ESF1: variants seen among roughly 807,000 people sequenced by gnomAD.
ESF1 encodes the protein ESF1 homolog.
Under a neutral mutation model 92.0 loss-of-function variants are expected in ESF1, and 58 were observed. The observed-to-expected ratio is 0.63, with a 90% CI of 0.51 to 0.78. The LOEUF (loss-of-function observed/expected upper bound fraction) is 0.78. Among genes scored for constraint, ESF1 ranks in the 30% least tolerant of loss-of-function variants. ESF1 has a pLI of 0.00. For missense variants in ESF1, 922 were observed against 989.1 expected, an observed-to-expected ratio of 0.93 and a Z score of 0.91; for synonymous variants, 321 against 313.7, an observed-to-expected ratio of 1.02 and a Z score of -0.24.
intron 9 of ESF1, among the ~76,000 whole-genome samples, chr20:13,748,907 T>C (rs550342740): frequency 2.6e-5 from 4 of 152,080 alleles, no homozygotes; most frequent in Admixed American, 2.6e-4. Context: ...TATTTTAAAA[T>C]GTAATTCTTC....
intron 10 of ESF1, among the ~76,000 whole-genome samples, chr20:13,731,249 C>T (rs2049940491): frequency 1.3e-5 from 2 of 152,078 alleles, no homozygotes; most frequent in South Asian, 4.1e-4. Context: ...TAGCTTAACA[C>T]TTGTGGAGTT....
Position 13,766,927 on chromosome 20 carries a change from T to C in ESF1, c.1519-3A>G. 6.2e-7 allele frequency: 1 copy of C among 1,605,092 alleles called. No homozygotes were observed. The highest frequency in any genetic ancestry group is 2.2e-5 in the East Asian group (1 of 44,726). ...GTCTCATCCCAAGTGATTTCCACCTTTCACCAACAAATAAGAAAAAATAAC... is the reference window on the plus strand; with the variant it reads ...GTCTCATCCCAAGTGATTTCCACCTCTCACCAACAAATAAGAAAAAATAAC... On this transcript the variant is annotated splice_region_variant and splice_polypyrimidine_tract_variant and intron_variant, in intron 7 of 13. Transcript: ENST00000617257.
intron 11 of ESF1, among the ~76,000 whole-genome samples, chr20:13,725,545 T>G (rs145551040): frequency 0.011 from 1,718 of 152,264 alleles, 40 homozygotes; most frequent in African/African-American, 0.038. Flanking sequence ...TCACCAAGTG[T>G]CTGTGAGCCA....
At chr20:13,751,220 C>A (rs1385819216) in intron 9 of ESF1, among the ~76,000 whole-genome samples, 1 of 152,194 alleles carries the variant, frequency 6.6e-6, no homozygotes, top group Non-Finnish European at 1.5e-5. Flanking sequence ...TGACAGCTTA[C>A]TAGCCAGACA....
intron 11 of ESF1, among the ~76,000 whole-genome samples, chr20:13,724,835 C>T (rs2049890577): frequency 6.6e-6 from 1 of 152,150 alleles, no homozygotes; most frequent in South Asian, 2.1e-4. Flanking sequence ...TAACCACGTA[C>T]ATGAATGGGG....
At chr20:13,748,521 TATATATATACAC>T (rs1184186671) in intron 9 of ESF1, among the ~76,000 whole-genome samples, 8,147 of 125,616 alleles carry the variant, frequency 0.065, 435 homozygotes, top group South Asian at 0.17. Context: ...TATATACACA[TATATATATACAC>T]ATATATATGT....
At chr20:13,769,400 G>A (rs1015076886) in intron 7 of ESF1, among the ~76,000 whole-genome samples, 3 of 152,204 alleles carry the variant, frequency 2.0e-5, no homozygotes, top group Admixed American at 6.5e-5. Flanking sequence ...AGGCTTAAAT[G>A]CGTAACAAGA....
chr20:13,770,466 T>C (rs923060390), intron 6 of ESF1, among the ~76,000 whole-genome samples: 1 of 152,202 alleles, frequency 6.6e-6, no homozygotes, highest in Non-Finnish European at 1.5e-5. Flanking sequence ...CGGCCTGGGC[T>C]CAAGCGATCC....
intron 2 of ESF1, among the ~76,000 whole-genome samples, chr20:13,779,173 G>T (rs1980072473): frequency 1.3e-5 from 2 of 152,100 alleles, no homozygotes; most frequent in African/African-American, 4.8e-5. Context: ...TGCTCTAGTA[G>T]TGACTGTAAA....
chr20:13,718,736 A>T (rs1351637540), intron 12 of ESF1, among the ~76,000 whole-genome samples, 172 bp downstream of exon 12: 2 of 152,210 alleles, frequency 1.3e-5, no homozygotes, highest in East Asian at 3.8e-4. Flanking sequence ...TGGTAAAAAA[A>T]ACACTGTATT....
At chr20:13,783,450 G>A (rs1407204974) in intron 1 of ESF1, among the ~76,000 whole-genome samples, 1 of 152,192 alleles carries the variant, frequency 6.6e-6, no homozygotes, top group Non-Finnish European at 1.5e-5. Context: ...GCTTTATGGA[G>A]GGGAACAAAT....
In ESF1 at chr20:13,751,777, G is replaced by A. The variant is rs868173059; in HGVS notation, c.1828+7915C>T. 2.6e-5 allele frequency among the ~76,000 whole-genome samples: 4 copies of A among 152,310 alleles called. No individual in the cohort carries two copies. In the Middle Eastern group the frequency reaches 0.01, roughly 389 times the overall value. ...CCAGCACTTTGGGAGGCTGAGGTGG[G>A]TGGATCACAAGGTCAAGAGATCGGC... On this transcript the variant is annotated intron_variant, in intron 9 of 13. Coordinates refer to ENST00000617257, the MANE Select transcript of ESF1 (RefSeq NM_001276380.2).
chr20:13,739,721 CAAAAAAAAA>C (rs112560154), intron 9 of ESF1, among the ~76,000 whole-genome samples: 1 of 77,940 alleles, frequency 1.3e-5, no homozygotes, highest in Non-Finnish European at 2.9e-5. Context: ...TAAGAAAGTT[CAAAAAAAAA>C]AAAAAAAGAA....
In ESF1 at chr20:13,715,019, A is replaced by G; in HGVS notation, c.2411T>C (p.Leu804Pro). ...CTCTTTTTTCTTTATTGCCTGAGTA[A>G]GTTCTTGTTCTTTCCGTTCTCTTTG... Reference protein sequence around the residue: ...ARQRERKEQELTQAIKKKESE... With the variant: ...ARQRERKEQEPTQAIKKKESE... The change falls in exon 14 of 14, where the codon CTT (leucine) becomes CCT (proline). Residue 804 changes from leucine (L) to proline (P), a missense_variant. Physicochemically the swap from Leu to Pro is moderately conservative, Grantham distance 98. Coordinates refer to ENST00000617257, the MANE Select transcript of ESF1 (RefSeq NM_001276380.2). The G allele has an allele frequency of 6.2e-7, 1 of 1,613,904 alleles. No individual in the cohort carries two copies.
intron 9 of ESF1, among the ~76,000 whole-genome samples, chr20:13,743,514 G>A (rs1294182264): frequency 6.6e-6 from 1 of 150,612 alleles, no homozygotes; most frequent in Non-Finnish European, 1.5e-5. Flanking sequence ...TAAAGAAATA[G>A]TGGTACATAT....
intron 11 of ESF1, among the ~76,000 whole-genome samples, chr20:13,723,731 T>A (rs139572928): frequency 6.6e-6 from 1 of 152,262 alleles, no homozygotes; most frequent in African/African-American, 2.4e-5. Flanking sequence ...ATGTTATAAA[T>A]GTACCCAAGT....
At chr20:13,756,527 C>T (rs749616811) in intron 9 of ESF1, among the ~76,000 whole-genome samples, 59 of 152,304 alleles carry the variant, frequency 3.9e-4, no homozygotes, top group Non-Finnish European at 5.7e-4. Flanking sequence ...AAAAAGTATT[C>T]ATGCCCTTTC....
intron 6 of ESF1, 90 bp from the exon 7 acceptor site, chr20:13,770,111 T>C (rs1600291681): frequency 8.5e-6 from 6 of 703,738 alleles, no homozygotes; most frequent in Non-Finnish European, 1.4e-5. Flanking sequence ...AGTTTATACA[T>C]ACACAAACTT....
intron 1 of ESF1, 180 bp downstream of exon 1, chr20:13,784,700 C>T (rs774205810): frequency 4.0e-6 from 1 of 251,156 alleles, no homozygotes; most frequent in Admixed American, 5.1e-5. Flanking sequence ...AGAAGCGACC[C>T]TGAAAAGGAT....
Sources: allele counts gnomAD v4.1 joint callset (sites outside exome capture counted in the v4.1 genomes callset), GRCh38; gene constraint gnomAD v4.1.1; transcripts MANE v1.5; gene names NCBI Gene and HGNC (gene_info 2026-07-23, HGNC 2026-07-21).